ACSBG2: variants seen among roughly 807,000 people sequenced by gnomAD.
ACSBG2 encodes long-chain-fatty-acid--CoA ligase ACSBG2.
A neutral mutation model predicts 74.7 loss-of-function variants in ACSBG2; 62 were observed. The observed-to-expected ratio is 0.83, with a 90% CI of 0.68 to 1.03. The LOEUF (loss-of-function observed/expected upper bound fraction) is 1.03, where lower values mean the gene tolerates loss of function less well. Ranked by LOEUF, ACSBG2 falls within the 50% of genes least tolerant of loss-of-function variation. The pLI, the probability that ACSBG2 is intolerant of heterozygous loss-of-function variation, is 0.00. For missense variants in ACSBG2, 730 were observed against 817.6 expected (o/e 0.89, Z 1.31); for synonymous variants, 309 against 294.1 (o/e 1.05, Z -0.52).
At position 6,187,395 on chromosome 19, in the gene ACSBG2, G is replaced by A; in HGVS notation, c.1653G>A (p.Lys551=). 6.2e-7 allele frequency: 1 copy of A among 1,614,140 alleles called. No individual in the cohort carries two copies. Among genetic ancestry groups the A allele is most frequent in the Non-Finnish European group, 8.5e-7 (1 of 1,180,036 alleles). ...SNAMLVGDKL[K]FLSMLLTLKC... ...CCATGTTAGTAGGAGATAAACTGAA[G>A]TTTCTGAGCATGTTGCTGACGCTGA... Residue 551 remains lysine, a synonymous_variant, in exon 12 of 15, where the codon AAG becomes AAA. Coordinates refer to ENST00000588485, the MANE Select transcript of ACSBG2 (RefSeq NM_030924.5).
At chr19:6,154,115 A>T (rs1176826638) in intron 4 of ACSBG2, among the ~76,000 whole-genome samples, 1 of 151,900 alleles carries the variant, frequency 6.6e-6, no homozygotes, top group Non-Finnish European at 1.5e-5. Flanking sequence ...ATATATATAT[A>T]TTTTGAGGCC....
intron 14 of ACSBG2, chr19:6,191,463 G>A (rs982131968): frequency 1.3e-5 from 2 of 152,206 alleles, no homozygotes; most frequent in African/African-American, 4.8e-5. Context: ...CTAAAAGTGT[G>A]AGATTGAGAG....
At chr19:6,142,678 G>A (rs957657164) in intron 2 of ACSBG2, among the ~76,000 whole-genome samples, 3 of 150,908 alleles carry the variant, frequency 2.0e-5, no homozygotes, top group South Asian at 2.1e-4. Context: ...GCGTGAACCC[G>A]GGAGGTAGAG....
chr19:6,150,574 C>T (rs1211702334), intron 3 of ACSBG2, among the ~76,000 whole-genome samples: 3 of 152,076 alleles, frequency 2.0e-5, no homozygotes, highest in Non-Finnish European at 2.9e-5. Context: ...ACATCATACT[C>T]GGTGAAATAA....
intron 1 of ACSBG2, among the ~76,000 whole-genome samples, chr19:6,138,714 A>C (rs1223131104): frequency 2.1e-5 from 3 of 145,396 alleles, no homozygotes; most frequent in Non-Finnish European, 4.5e-5. Flanking sequence ...CGAAGGGAGG[A>C]AAGAAGGAAG....
intron 13 of ACSBG2, among the ~76,000 whole-genome samples, chr19:6,188,447 C>G (rs2090466465): frequency 6.6e-6 from 1 of 152,056 alleles, no homozygotes; most frequent in South Asian, 2.1e-4. Flanking sequence ...TTGAGACCAA[C>G]CTGGGCAACA....
chr19:6,147,544 T>C lies in ACSBG2; in HGVS notation c.166T>C (p.Phe56Leu). ...TGAGACCCCGATGACCATCCCTGAATTTTTTCGAGAGTCAGTCAACCGATT... is the reference window on the plus strand; with the variant it reads ...TGAGACCCCGATGACCATCCCTGAACTTTTTCGAGAGTCAGTCAACCGATT... ...GHETPMTIPE[F>L]FRESVNRFGT... is the part of the protein sequence containing the mutation. Residue 56 changes from phenylalanine (F) to leucine (L), a missense_variant, in exon 3 of 15, where the codon TTT (phenylalanine) becomes CTT (leucine). Coordinates refer to ENST00000588485, the MANE Select transcript of ACSBG2 (RefSeq NM_030924.5). 1.9e-6 allele frequency: 3 copies of C among 1,614,168 alleles called. No individual in the cohort carries two copies. In the South Asian group the frequency reaches 3.3e-5, roughly 18 times the overall value.
At chr19:6,158,485 G>A (rs865792830) in intron 5 of ACSBG2, among the ~76,000 whole-genome samples, 8 of 146,544 alleles carry the variant, frequency 5.5e-5, no homozygotes, top group South Asian at 2.2e-4. Flanking sequence ...GGCTATTGTC[G>A]AAACTTTAAA....
chr19:6,147,422 C>T (rs2089073323), intron 2 of ACSBG2, 24 bp from the exon 3 acceptor site: 4 of 1,597,016 alleles, frequency 2.5e-6, no homozygotes, highest in Non-Finnish European at 3.4e-6. Flanking sequence ...ACATTTGCCA[C>T]CCAACTCTGG....
At chr19:6,157,124 TG>T (rs2089451991) in intron 5 of ACSBG2, among the ~76,000 whole-genome samples, 2 of 152,176 alleles carry the variant, frequency 1.3e-5, no homozygotes, top group South Asian at 4.1e-4. Flanking sequence ...TTTTTTTGTA[TG>T]TTTTAGTAGA....
At chr19:6,176,836 T>C (rs1047885070) in intron 7 of ACSBG2, among the ~76,000 whole-genome samples, 1 of 152,118 alleles carries the variant, frequency 6.6e-6, no homozygotes, top group Non-Finnish European at 1.5e-5. Flanking sequence ...ACTTAATTAG[T>C]TTATTTATTT....
chr19:6,172,382 T>G (rs1278684895), intron 7 of ACSBG2, among the ~76,000 whole-genome samples: 1 of 152,210 alleles, frequency 6.6e-6, no homozygotes, highest in Middle Eastern at 3.2e-3. Context: ...TAGTTTCCCT[T>G]GAGGGTATGG....
rs759508180 is a variant in ACSBG2, at chr19:6,141,503, T to G, written c.-31-10T>G. 7.1e-7 allele frequency: 1 copy of G among 1,411,170 alleles called. No homozygotes were observed. The highest frequency in any genetic ancestry group is 2.3e-5 in the East Asian group (1 of 43,912). The allele number at this position is 1,411,170 out of a possible 1,614,324, so 87.4% of individuals were successfully genotyped here. Reference sequence around the variant, plus strand: ...AATCCTGTTAAACTCCCTGCTTTTTTGCTTTGCAGTGCTGTGGAGCATGGT... The same window carrying G: ...AATCCTGTTAAACTCCCTGCTTTTTGGCTTTGCAGTGCTGTGGAGCATGGT... On this transcript the variant is annotated splice_polypyrimidine_tract_variant and intron_variant, in intron 1 of 14. Transcript: ENST00000588485.
chr19:6,185,442 C>G lies in ACSBG2; in HGVS notation c.1329C>G (p.Gly443=). The G allele has an allele frequency of 6.2e-7, 1 of 1,614,116 alleles. No homozygotes were observed. Among genetic ancestry groups the G allele is most frequent in the Non-Finnish European group, 8.5e-7 (1 of 1,180,022 alleles). ...NQNNYRLLSC[G]KILTGCKNML... ...TGCTTCTGTCCCCTGGCAGCTGTGG[C>G]AAGATCTTGACTGGGTGTAAGAATA... The change falls in exon 11 of 15, where the codon GGC becomes GGG. Residue 443 remains glycine (G), a synonymous_variant. Coordinates refer to ENST00000588485, the MANE Select transcript of ACSBG2 (RefSeq NM_030924.5).
chr19:6,158,690 T>G (rs2089508900), intron 5 of ACSBG2, among the ~76,000 whole-genome samples: 1 of 152,154 alleles, frequency 6.6e-6, no homozygotes, highest in Non-Finnish European at 1.5e-5. Context: ...TTCACATCTC[T>G]GGAGTCGAGA....
intron 4 of ACSBG2, among the ~76,000 whole-genome samples, chr19:6,152,551 A>ATTTTTTTTT (rs746612699): frequency 4.9e-5 from 1 of 20,250 alleles, no homozygotes; most frequent in African/African-American, 1.0e-4. Context: ...CGGCCTCCCA[A>ATTTTTTTTT]TTTTTTTTTT....
intron 10 of ACSBG2, among the ~76,000 whole-genome samples, chr19:6,184,489 A>C (rs1261401369): frequency 6.6e-6 from 1 of 152,030 alleles, no homozygotes; most frequent in Non-Finnish European, 1.5e-5. Context: ...AACCAGGGGA[A>C]TACCTACATT....
chr19:6,158,724 C>G (rs2089510004), intron 5 of ACSBG2, among the ~76,000 whole-genome samples: 2 of 152,166 alleles, frequency 1.3e-5, no homozygotes, highest in South Asian at 4.2e-4. Flanking sequence ...TGATGGCATT[C>G]TCTGATCACT....
Position 6,192,734 on chromosome 19 carries a change from T to C in ACSBG2, c.*102T>C, listed in dbSNP as rs2090597784. The C allele has an allele frequency of 6.6e-6, 1 of 152,202 alleles. No homozygotes were observed. Among genetic ancestry groups the C allele is most frequent in the Non-Finnish European group, 1.5e-5 (1 of 68,022 alleles). 9.4% of individuals were successfully genotyped at this position (152,202 alleles called of 1,614,324 possible). ...TCTAGGTAGAAGCTCTCCCTGCTGTTTTTAAGAAGCCACATTCCTCATTGG... is the reference window on the plus strand; with the variant it reads ...TCTAGGTAGAAGCTCTCCCTGCTGTCTTTAAGAAGCCACATTCCTCATTGG... On this transcript the variant is annotated 3_prime_UTR_variant, in exon 15 of 15. Coordinates refer to ENST00000588485, the MANE Select transcript of ACSBG2 (RefSeq NM_030924.5).
Sources: allele counts gnomAD v4.1 joint callset (sites outside exome capture counted in the v4.1 genomes callset), GRCh38; gene constraint gnomAD v4.1.1; transcripts MANE v1.5; gene names NCBI Gene and HGNC (gene_info 2026-07-23, HGNC 2026-07-21).